The following MYOZ3 variants were observed in gnomAD, a reference collection of about 807,000 sequenced individuals.
The protein encoded by MYOZ3 is myozenin-3.
A neutral mutation model predicts 26.5 loss-of-function variants in MYOZ3; 19 were observed. The ratio of observed to expected loss-of-function variants is 0.72; its 90% CI spans 0.50 to 1.05. The LOEUF (loss-of-function observed/expected upper bound fraction) is 1.05, where lower values mean the gene tolerates loss of function less well. MYOZ3 is among the 50% of genes least tolerant of loss of function. The pLI is 0.00. For missense variants in MYOZ3, 322 were observed against 337.1 expected (o/e 0.96, Z 0.35); for synonymous variants, 135 against 138.8 (o/e 0.97, Z 0.19).
At chr5:150,663,501 G>C (rs972949733) in intron 2 of MYOZ3, among the ~76,000 whole-genome samples, 1 of 152,188 alleles carries the variant, frequency 6.6e-6, no homozygotes, top group African/African-American at 2.4e-5. Context: ...GTGGAGCAGG[G>C]TGGGAAGAGC....
rs147792087 is a variant in MYOZ3 at position 150,668,516 on chromosome 5, G to A, written c.62-1968G>A. 4.7e-3 allele frequency among the ~76,000 whole-genome samples: 718 copies of A among 152,260 alleles called. 10 individuals are homozygous for A. The highest frequency in any genetic ancestry group is 0.017 in the African/African-American group (693 of 41,534). On this transcript the variant is annotated intron_variant, in intron 2 of 6. Transcript: ENST00000517768. Reference sequence around the variant, plus strand: ...CTCACTGTAAATGTTGGAGGCCCCAGGCTCCGTCTCTGATCCTCTTTACCT... The same window carrying A: ...CTCACTGTAAATGTTGGAGGCCCCAAGCTCCGTCTCTGATCCTCTTTACCT...
chr5:150,673,713 T>C (rs750554737), intron 6 of MYOZ3, among the ~76,000 whole-genome samples: 1 of 152,200 alleles, frequency 6.6e-6, no homozygotes, highest in African/African-American at 2.4e-5. Context: ...TTTACCATTC[T>C]GCACTGAGGG....
At chr5:150,671,493 T>C (rs1316873451) in intron 3 of MYOZ3, 104 bp from the exon 4 acceptor site, 2 of 1,199,348 alleles carry the variant, frequency 1.7e-6, no homozygotes, top group African/African-American at 3.0e-5. Flanking sequence ...TGATGGGCGT[T>C]AGGATTCTTG....
chr5:150,663,004 T>C lies in MYOZ3; in HGVS notation c.61+2T>C. The C allele has an allele frequency of 1.2e-6, 2 of 1,608,848 alleles. No homozygotes were observed. The highest frequency in any genetic ancestry group is 1.7e-6 in the Non-Finnish European group (2 of 1,177,564). Reference sequence around the variant, plus strand: ...CCATGGGGGACCTCACTGAACCAGGTAAGGTGGTTCTAGCCTCATGCCTTC... The same window carrying C: ...CCATGGGGGACCTCACTGAACCAGGCAAGGTGGTTCTAGCCTCATGCCTTC... On this transcript the variant is annotated splice_donor_variant, in intron 2 of 6. Transcript: ENST00000517768. LOFTEE classifies it high-confidence loss of function.
At chr5:150,673,498 G>A (rs1758957599) in intron 6 of MYOZ3, among the ~76,000 whole-genome samples, 1 of 152,030 alleles carries the variant, frequency 6.6e-6, no homozygotes, top group Non-Finnish European at 1.5e-5. Context: ...CCACCACCGT[G>A]CCCGGCTAAT....
intron 3 of MYOZ3, 26 bp from the exon 4 acceptor site, chr5:150,671,571 G>T: frequency 1.2e-6 from 2 of 1,613,718 alleles, no homozygotes; most frequent in Non-Finnish European, 1.7e-6. Context: ...GCTTCTCTGC[G>T]GTTTATTCTA....
chr5:150,674,468 C>G (rs2151449465), intron 6 of MYOZ3, among the ~76,000 whole-genome samples: 1 of 152,320 alleles, frequency 6.6e-6, no homozygotes, highest in South Asian at 2.1e-4. Context: ...TTCCAGGGTC[C>G]TGGGCTCCCA....
chr5:150,662,518 T>C, intron 1 of MYOZ3, among the ~76,000 whole-genome samples: 1 of 152,102 alleles, frequency 6.6e-6, no homozygotes, highest in South Asian at 2.1e-4. Flanking sequence ...ATCCTCCCCC[T>C]TCCCCTAACT....
rs766328216 is a variant in MYOZ3, at chr5:150,677,199, A to G, written c.*324A>G. On this transcript the variant is annotated 3_prime_UTR_variant, in exon 7 of 7. Coordinates refer to ENST00000517768, the MANE Select transcript of MYOZ3 (RefSeq NM_001122853.3). ...GTCATCCCAGCACTTTGGGAGGCCG[A>G]GGCAGGAGGATCACCTGAGGTCAGG... The G allele has an allele frequency of 1.0e-5, 2 of 199,946 alleles. No homozygotes were observed. The highest frequency in any genetic ancestry group is 2.0e-5 in the Non-Finnish European group (2 of 97,998). The allele number at this position is 199,946 out of a possible 1,614,324, so 12.4% of individuals were successfully genotyped here. A position where few individuals can be genotyped will look rare whatever the true frequency, so the allele number is the denominator to read the frequency against.
chr5:150,666,419 G>C (rs1164211788), intron 2 of MYOZ3, among the ~76,000 whole-genome samples: 1 of 151,930 alleles, frequency 6.6e-6, no homozygotes, highest in East Asian at 1.9e-4. Flanking sequence ...TTTGGGACCA[G>C]CCTGGCCAAC....
intron 2 of MYOZ3, among the ~76,000 whole-genome samples, chr5:150,665,602 AT>A (rs1289557563): frequency 1.3e-5 from 2 of 151,994 alleles, no homozygotes; most frequent in East Asian, 1.9e-4. Flanking sequence ...ATCTTTTTTT[AT>A]TTTTTAATAG....
intron 3 of MYOZ3, 39 bp downstream of exon 3, chr5:150,670,677 AC>A: frequency 6.4e-7 from 1 of 1,572,512 alleles, no homozygotes. Flanking sequence ...GAAAATGAGG[AC>A]CACAGAGAGC....
At chr5:150,666,843 C>T (rs568374325) in intron 2 of MYOZ3, among the ~76,000 whole-genome samples, 17 of 151,710 alleles carry the variant, frequency 1.1e-4, no homozygotes, top group Admixed American at 2.6e-4. Flanking sequence ...TCATTGCAAA[C>T]TTCACCTCCA....
At chr5:150,664,461 A>G (rs1758778886) in intron 2 of MYOZ3, among the ~76,000 whole-genome samples, 1 of 152,252 alleles carries the variant, frequency 6.6e-6, no homozygotes, top group African/African-American at 2.4e-5. Flanking sequence ...GACAATTTTG[A>G]AACAAAAGTA....
At chr5:150,665,674 C>T (rs1445482570) in intron 2 of MYOZ3, among the ~76,000 whole-genome samples, 1 of 151,864 alleles carries the variant, frequency 6.6e-6, no homozygotes, top group African/African-American at 2.4e-5. Context: ...AGCAATCCAC[C>T]CACTTTGCCC....
At chr5:150,672,103 G>A in intron 5 of MYOZ3, 195 bp downstream of exon 5, 2 of 1,089,602 alleles carry the variant, frequency 1.8e-6, no homozygotes, top group Non-Finnish European at 2.7e-6. Context: ...AGTCAGCCAA[G>A]GCCAAGACCA....
chr5:150,672,749 G>T, intron 6 of MYOZ3: 1 of 485,098 alleles, frequency 2.1e-6, no homozygotes, highest in Admixed American at 3.9e-5. Context: ...TGGTGGGCGG[G>T]TGCTATGAGT....
intron 3 of MYOZ3, among the ~76,000 whole-genome samples, chr5:150,671,254 GC>G: frequency 6.6e-6 from 1 of 152,316 alleles, no homozygotes; most frequent in East Asian, 1.9e-4. Flanking sequence ...CTAAGACAAT[GC>G]TAGCTAAGCA....
At chr5:150,667,692 G>A (rs1758830800) in intron 2 of MYOZ3, among the ~76,000 whole-genome samples, 7 of 152,130 alleles carry the variant, frequency 4.6e-5, no homozygotes, top group Admixed American at 4.6e-4. Context: ...ATCCTTTAAA[G>A]CCCAACTCTT....
Sources: gnomAD v4.1 joint callset for allele counts (sites outside exome capture counted in the v4.1 genomes callset) on GRCh38, gnomAD v4.1.1 for gene constraint, MANE v1.5 for transcripts, NCBI Gene and HGNC (gene_info 2026-07-23, HGNC 2026-07-21) for gene names.